Variants in QTGAL observed in about 807,000 individuals in gnomAD.
The protein encoded by QTGAL is queuosine-tRNA galactosyltransferase.
At chr17:82,984,070 A>ATGTG in the QTGAL span, among the ~76,000 whole-genome samples, 1 of 132,256 alleles carries the variant, frequency 7.6e-6, no homozygotes. Context: ...ATGATCACGC[A>ATGTG]GGGGAGAGGC....
chr17:83,015,773 G>C, the QTGAL span, among the ~76,000 whole-genome samples: 1 of 152,198 alleles, frequency 6.6e-6, no homozygotes, highest in East Asian at 1.9e-4. The surrounding 1 kb of genome is among the most constrained non-coding windows in gnomAD (Gnocchi z 4.4). Flanking sequence ...ACTGTGAACT[G>C]CACACGCGAG....
At chr17:83,021,990 T>A in the QTGAL span, among the ~76,000 whole-genome samples, 1 of 151,772 alleles carries the variant, frequency 6.6e-6, no homozygotes, top group Admixed American at 6.6e-5. Context: ...AAACCGGACA[T>A]CATCCAGGAA....
the QTGAL span, chr17:82,942,300 G>A: frequency 5.0e-5 from 57 of 1,136,408 alleles, no homozygotes; most frequent in African/African-American, 7.8e-4. Context: ...ACATAGCTCA[G>A]GCTGCCGGGT....
the QTGAL span, chr17:83,049,111 G>A: frequency 1.0e-4 from 26 of 248,556 alleles, no homozygotes; most frequent in African/African-American, 6.0e-4. Flanking sequence ...AAATTAGCCA[G>A]GCGTGGTGGC....
At chr17:83,032,053 C>T in the QTGAL span, among the ~76,000 whole-genome samples, 25,631 of 130,906 alleles carry the variant, frequency 0.2, 948 homozygotes, top group African/African-American at 0.23. Context: ...GCCAGGCCTC[C>T]GACGCAGACC....
the QTGAL span, among the ~76,000 whole-genome samples, chr17:83,036,934 G>T: frequency 6.6e-6 from 1 of 152,098 alleles, no homozygotes; most frequent in Non-Finnish European, 1.5e-5. Context: ...GCTCAGCTTC[G>T]ATGCCAATGG....
At chr17:83,005,285 C>G in the QTGAL span, 1 of 1,222,086 alleles carries the variant, frequency 8.2e-7, no homozygotes. The surrounding 1 kb of genome is among the most constrained non-coding windows in gnomAD (Gnocchi z 5.6). Flanking sequence ...TGTGTGTATT[C>G]ATCTCACATG....
the QTGAL span, among the ~76,000 whole-genome samples, chr17:82,984,703 T>C: frequency 6.6e-6 from 1 of 150,942 alleles, no homozygotes; most frequent in Non-Finnish European, 1.5e-5. Context: ...AACACAAATG[T>C]CTGTTGTTTA....
the QTGAL span, among the ~76,000 whole-genome samples, chr17:82,946,602 A>G: frequency 2.7e-5 from 2 of 74,274 alleles, no homozygotes; most frequent in Non-Finnish European, 6.2e-5. Context: ...AAATTTTAAA[A>G]ATGTTTTTAA....
At chr17:82,968,587 C>T in the QTGAL span, among the ~76,000 whole-genome samples, 1 of 151,770 alleles carries the variant, frequency 6.6e-6, no homozygotes, top group Admixed American at 6.6e-5. Flanking sequence ...CAGTGTGACC[C>T]CACTTACACA....
the QTGAL span, among the ~76,000 whole-genome samples, chr17:82,977,401 G>A: frequency 6.2e-4 from 95 of 152,278 alleles, no homozygotes; most frequent in Middle Eastern, 3.4e-3. Flanking sequence ...GGGTTGCTTC[G>A]AAAGACTCCG....
chr17:82,995,773 ATATC>A, the QTGAL span, among the ~76,000 whole-genome samples: 1 of 152,248 alleles, frequency 6.6e-6, no homozygotes, highest in Non-Finnish European at 1.5e-5. Flanking sequence ...ATAAAATAAA[ATATC>A]TAGGAATTAA....
chr17:83,006,219 C>T, the QTGAL span: 1 of 985,656 alleles, frequency 1.0e-6, no homozygotes, highest in Non-Finnish European at 1.2e-6. The surrounding 1 kb of genome is among the most constrained non-coding windows in gnomAD (Gnocchi z 5.8). Flanking sequence ...AGCCAGTCTC[C>T]TAACTCTGAA....
At chr17:83,033,089 C>T in the QTGAL span, among the ~76,000 whole-genome samples, 3 of 152,164 alleles carry the variant, frequency 2.0e-5, no homozygotes, top group Non-Finnish European at 4.4e-5. Context: ...AACCTGGCCA[C>T]AGAGGAGGGA....
At chr17:82,942,242 G>A in the QTGAL span, 1 of 623,710 alleles carries the variant, frequency 1.6e-6, no homozygotes, top group Non-Finnish European at 2.8e-6. Context: ...CCGCTCCCCA[G>A]ATGGGGTGCC....
chr17:83,031,178 A>T, the QTGAL span, among the ~76,000 whole-genome samples: 1 of 152,250 alleles, frequency 6.6e-6, no homozygotes, highest in African/African-American at 2.4e-5. Flanking sequence ...GTGTGCCAGG[A>T]GGAAACGCCG....
At chr17:83,031,940 A>G in the QTGAL span, among the ~76,000 whole-genome samples, 165 of 152,360 alleles carry the variant, frequency 1.1e-3, no homozygotes, top group Middle Eastern at 6.8e-3. Flanking sequence ...TCAACTCCAC[A>G]GAGCAGCCAG....
the QTGAL span, among the ~76,000 whole-genome samples, chr17:83,030,241 G>A: frequency 6.6e-6 from 1 of 152,146 alleles, no homozygotes; most frequent in Non-Finnish European, 1.5e-5. Context: ...CACCCCTACA[G>A]TACTAAGTTC....
the QTGAL span, among the ~76,000 whole-genome samples, chr17:83,002,686 G>A: frequency 2.0e-5 from 3 of 152,178 alleles, no homozygotes; most frequent in Admixed American, 6.5e-5. Context: ...AGGCGGCACC[G>A]CGGGCGGCCC....
Sources: allele counts gnomAD v4.1 joint callset (sites outside exome capture counted in the v4.1 genomes callset), GRCh38; gene constraint gnomAD v4.1.1; non-coding constraint Gnocchi (gnomAD v3.1); transcripts MANE v1.5; gene names NCBI Gene and HGNC (gene_info 2026-07-23, HGNC 2026-07-21).